The following RANBP17 variants were observed in gnomAD, a reference collection of about 807,000 sequenced individuals.
RANBP17 encodes ran-binding protein 17.
RANBP17 carries 158 observed loss-of-function variants against 141.2 expected under a neutral mutation model. The ratio of observed to expected loss-of-function variants is 1.12; its 90% confidence interval spans 0.98 to 1.28. The LOEUF (loss-of-function observed/expected upper bound fraction) is 1.28. RANBP17 is among the 50% of genes most tolerant of loss of function. RANBP17 has a pLI of 0.00. For synonymous variants in RANBP17, 430 were observed against 450.0 expected, an observed-to-expected ratio of 0.96 and a Z score of 0.56; for missense variants, 1,438 against 1,290.7, an observed-to-expected ratio of 1.11 and a Z score of -1.75.
intron 1 of RANBP17, among the ~76,000 whole-genome samples, chr5:170,870,804 C>T (rs1337614887): frequency 1.3e-5 from 2 of 152,178 alleles, no homozygotes; most frequent in African/African-American, 4.8e-5. Context: ...ACACTGTCTT[C>T]CACAATGGTT....
Position 170,995,177 on chromosome 5 carries a change from C to T in RANBP17, c.1710+26800C>T, listed in dbSNP as rs184498137. ...TCTTACGTGGTGATTTTATGTGTTA[C>T]AGTTGAAACATTTCCGAGACATGTT... On this transcript the variant is annotated intron_variant, in intron 14 of 27. Coordinates refer to ENST00000523189, the MANE Select transcript of RANBP17 (RefSeq NM_022897.5). Among the ~76,000 whole-genome samples, 10 of 152,114 alleles carry T rather than the reference C, an allele frequency of 6.6e-5. No homozygotes were observed. In the East Asian group the frequency reaches 1.7e-3, roughly 26 times the overall value.
chr5:170,922,630 A>G (rs892786347), intron 11 of RANBP17, among the ~76,000 whole-genome samples: 1 of 152,120 alleles, frequency 6.6e-6, no homozygotes, highest in African/African-American at 2.4e-5. Flanking sequence ...TGAGCCAGGC[A>G]CAGGAGGGTA....
At chr5:171,000,458 AATG>A (rs1182133113) in intron 14 of RANBP17, among the ~76,000 whole-genome samples, 1 of 152,232 alleles carries the variant, frequency 6.6e-6, no homozygotes, top group Non-Finnish European at 1.5e-5. Flanking sequence ...TTACAAAAAA[AATG>A]ATGTAGCTAT....
In RANBP17 at chr5:171,161,516, T is replaced by C. The variant is rs1161627443; in HGVS notation, c.1711-8614T>C. ...GGTGGACCAGCAATCTTTATGCTTGTCTCACTACAGCCTCAGATTCTAATT... is the reference window on the plus strand; with the variant it reads ...GGTGGACCAGCAATCTTTATGCTTGCCTCACTACAGCCTCAGATTCTAATT... On this transcript the variant is annotated intron_variant, in intron 14 of 27. Coordinates refer to ENST00000523189, the MANE Select transcript of RANBP17 (RefSeq NM_022897.5). 16 of 187,798 alleles carry C rather than the reference T, an allele frequency of 8.5e-5. No individual in the cohort carries two copies. The Admixed American group carries it at 9.9e-4, about 12-fold the overall frequency. The allele number at this position is 187,798 out of a possible 1,614,324, so 11.6% of individuals were successfully genotyped here.
chr5:171,132,512 C>T (rs989436561), intron 14 of RANBP17, among the ~76,000 whole-genome samples: 1 of 151,752 alleles, frequency 6.6e-6, no homozygotes, highest in Non-Finnish European at 1.5e-5. Flanking sequence ...CACTCAAGCC[C>T]AGGAGTTCAA....
chr5:170,996,323 A>G (rs527859126), intron 14 of RANBP17, among the ~76,000 whole-genome samples: 2 of 152,324 alleles, frequency 1.3e-5, no homozygotes, highest in African/African-American at 4.8e-5. Flanking sequence ...AAATAAAATG[A>G]GGAATGGAAA....
chr5:170,961,825 G>A (rs1027807521), intron 13 of RANBP17, among the ~76,000 whole-genome samples: 1 of 152,154 alleles, frequency 6.6e-6, no homozygotes, highest in Non-Finnish European at 1.5e-5. Flanking sequence ...AGGGCACTGT[G>A]GTAGAGACTG....
intron 22 of RANBP17, among the ~76,000 whole-genome samples, chr5:171,238,180 A>T (rs1248584859): frequency 2.0e-5 from 3 of 152,186 alleles, no homozygotes; most frequent in Non-Finnish European, 2.9e-5. Context: ...ATTTATGCCT[A>T]GTCTTCCATT....
Position 170,881,888 on chromosome 5 carries a change from T to C in RANBP17, c.248T>C (p.Met83Thr). The C allele has an allele frequency of 6.3e-7, 1 of 1,595,264 alleles. No homozygotes were observed. Reference sequence around the variant, plus strand: ...AGTCCTTTACCTGTTGAGCAGAGGATGGACATCAGTAAGTGGCTTATTATG... The same window carrying C: ...AGTCCTTTACCTGTTGAGCAGAGGACGGACATCAGTAAGTGGCTTATTATG... ...RVSPLPVEQR[M>T]DIRNYILNYV... The change falls in exon 3 of 28, where the codon ATG becomes ACG. Residue 83 changes from methionine (M) to threonine (T), a missense_variant. Coordinates refer to ENST00000523189, the MANE Select transcript of RANBP17 (RefSeq NM_022897.5).
chr5:171,241,217 A>G lies in RANBP17; in HGVS notation c.2637+75A>G, dbSNP rs940442865. 3.6e-6 allele frequency: 4 copies of G among 1,107,606 alleles called. No homozygotes were observed. In the East Asian group the frequency reaches 9.5e-5, roughly 26 times the overall value. 68.6% of individuals were successfully genotyped at this position (1,107,606 alleles called of 1,614,324 possible). A position where few individuals can be genotyped will look rare whatever the true frequency, so the allele number is the denominator to read the frequency against. Reference sequence around the variant, plus strand: ...CCACCACAGGCCTGGAAGTGTTATAATGAAGCCCAGGGAGTTAGCCTAGAA... The same window carrying G: ...CCACCACAGGCCTGGAAGTGTTATAGTGAAGCCCAGGGAGTTAGCCTAGAA... On this transcript the variant is annotated intron_variant, in intron 23 of 27. Transcript: ENST00000523189.
At chr5:170,932,022 A>C (rs1773433941) in intron 12 of RANBP17, among the ~76,000 whole-genome samples, 1 of 152,084 alleles carries the variant, frequency 6.6e-6, no homozygotes, top group Non-Finnish European at 1.5e-5. Flanking sequence ...CATGATATTG[A>C]TTCTTCCTAT....
At chr5:171,206,002 C>T (rs945728180) in intron 20 of RANBP17, 7 of 356,034 alleles carry the variant, frequency 2.0e-5, no homozygotes, top group Admixed American at 3.8e-5. Context: ...TTTATCTCTT[C>T]AAGGCCTAAC....
intron 14 of RANBP17, among the ~76,000 whole-genome samples, chr5:171,003,601 T>A (rs572611217): frequency 6.6e-6 from 1 of 152,102 alleles, no homozygotes; most frequent in Non-Finnish European, 1.5e-5. Flanking sequence ...GAATTAGTGT[T>A]GAAGGAGCAG....
intron 14 of RANBP17, among the ~76,000 whole-genome samples, chr5:171,023,922 A>G (rs1031400764): frequency 2.6e-5 from 4 of 152,192 alleles, no homozygotes; most frequent in Non-Finnish European, 5.9e-5. Flanking sequence ...TACTTCATAT[A>G]TTTAATCCAG....
intron 25 of RANBP17, among the ~76,000 whole-genome samples, chr5:171,287,513 A>G (rs1446879847): frequency 6.6e-6 from 1 of 151,596 alleles, no homozygotes; most frequent in Non-Finnish European, 1.5e-5. Flanking sequence ...AAAATGATTA[A>G]CAGATTAAGT....
At chr5:171,274,239 C>G (rs1767356741) in intron 25 of RANBP17, among the ~76,000 whole-genome samples, 1 of 151,118 alleles carries the variant, frequency 6.6e-6, no homozygotes, top group Non-Finnish European at 1.5e-5. Flanking sequence ...TAGGTAACAA[C>G]CAGGTAATAA....
intron 14 of RANBP17, among the ~76,000 whole-genome samples, chr5:171,064,876 A>G (rs1466957170): frequency 6.6e-6 from 1 of 152,194 alleles, no homozygotes; most frequent in Admixed American, 6.5e-5. Context: ...AATTTAAAAA[A>G]AAAAAATCCT....
At chr5:171,137,580 GTGTGTGTGTGTGTGTGTGTGTGTGTC>G (rs1203515998) in intron 14 of RANBP17, among the ~76,000 whole-genome samples, 2,307 of 147,714 alleles carry the variant, frequency 0.016, 71 homozygotes, top group African/African-American at 0.056. Flanking sequence ...AGATGTGTGT[GTGTGTGTGTGTGTGTGTGTGTGTGTC>G]TGTGTGTGTG....
intron 14 of RANBP17, among the ~76,000 whole-genome samples, chr5:171,155,508 G>A (rs544037692): frequency 1.1e-3 from 169 of 152,116 alleles, no homozygotes; most frequent in Admixed American, 2.0e-3. Context: ...ATACATTGAT[G>A]TTATACAATT....
Sources: allele counts gnomAD v4.1 joint callset (sites outside exome capture counted in the v4.1 genomes callset), GRCh38; gene constraint gnomAD v4.1.1; transcripts MANE v1.5; gene names NCBI Gene and HGNC (gene_info 2026-07-23, HGNC 2026-07-21).